PSKH2: variants seen among roughly 807,000 people sequenced by gnomAD.
PSKH2 encodes the protein protein serine kinase H2, also known as serine/threonine-protein kinase H2.
PSKH2 carries 16 observed loss-of-function variants against 22.5 expected under a neutral mutation model. The ratio of observed to expected loss-of-function variants is 0.71; its 90% CI spans 0.48 to 1.08. The LOEUF is 1.08. Among genes scored for constraint, PSKH2 ranks in the 50% least tolerant of loss-of-function variants. The pLI is 0.00. For synonymous variants in PSKH2, 188 were observed against 184.8 expected, an observed-to-expected ratio of 1.02 and a Z score of -0.14; for missense variants, 516 against 492.8, an observed-to-expected ratio of 1.05 and a Z score of -0.44.
chr8:86,062,981 C>T (rs1175787662), intron 2 of PSKH2, among the ~76,000 whole-genome samples: 1 of 152,152 alleles, frequency 6.6e-6, no homozygotes, highest in Non-Finnish European at 1.5e-5. Flanking sequence ...TTTCTTTGGT[C>T]ATTAGTGAGG....
At chr8:86,056,389 G>T (rs1817698527) in intron 2 of PSKH2, among the ~76,000 whole-genome samples, 1 of 151,882 alleles carries the variant, frequency 6.6e-6, no homozygotes, top group Non-Finnish European at 1.5e-5. Context: ...TCAATGCATT[G>T]CTCACCAAAA....
chr8:86,060,354 T>A (rs1817758804), intron 2 of PSKH2, among the ~76,000 whole-genome samples: 1 of 152,212 alleles, frequency 6.6e-6, no homozygotes, highest in African/African-American at 2.4e-5. Context: ...TCAAATTATA[T>A]TCGGAAGAAG....
chr8:86,065,560 C>A (rs1817843663), intron 1 of PSKH2, among the ~76,000 whole-genome samples: 1 of 152,126 alleles, frequency 6.6e-6, no homozygotes, highest in Non-Finnish European at 1.5e-5. Context: ...ACCTGCACAT[C>A]CTGCACATGT....
chr8:86,059,780 T>A (rs1399909392), intron 2 of PSKH2, among the ~76,000 whole-genome samples: 1 of 152,204 alleles, frequency 6.6e-6, no homozygotes, highest in Non-Finnish European at 1.5e-5. Context: ...GTCTACCACA[T>A]CTATGCTTCC....
chr8:86,048,706 G>T lies in PSKH2; in HGVS notation c.914C>A (p.Ala305Asp), dbSNP rs1400757364. 1.2e-6 allele frequency: 2 copies of T among 1,614,086 alleles called. No homozygotes were observed. The highest frequency in any genetic ancestry group is 2.7e-5 in the African/African-American group (2 of 75,026). The change falls in exon 3 of 3, where the codon GCT becomes GAT. Residue 305 changes from alanine (A) to aspartate (D), a missense_variant. By Grantham distance (126) the Ala-to-Asp change is moderately radical. Transcript: ENST00000276616. ...DFIDKLLILEAGHRMSAGQAL... is the reference protein window; with the variant it reads ...DFIDKLLILEDGHRMSAGQAL... ...CTGGCCAGCTGACATGCGATGACCA[G>T]CCTCCAAAATCAGTAGTTTGTCTAT...
At chr8:86,055,166 A>G (rs1004024407) in intron 2 of PSKH2, among the ~76,000 whole-genome samples, 1 of 152,208 alleles carries the variant, frequency 6.6e-6, no homozygotes, top group Admixed American at 6.5e-5. Context: ...CATAGTATTA[A>G]TATTAAGTCA....
At chr8:86,049,339 G>A (rs1027737106) in intron 2 of PSKH2, among the ~76,000 whole-genome samples, 4 of 152,018 alleles carry the variant, frequency 2.6e-5, no homozygotes, top group South Asian at 2.1e-4. Flanking sequence ...AAGAAGGATC[G>A]TTTGAGTCCA....
rs368039745 is a variant in PSKH2, at chr8:86,064,290, G to A, written c.527C>T (p.Ala176Val). ...MVADGIRYLH[A>V]LQITHRNLKP... ...TAGATTCCTATGAGTTATCTGCAGC[G>A]CATGCAAATACCTAATCCCATCAGC... The change falls in exon 2 of 3, where the codon GCG (alanine) becomes GTG (valine). Residue 176 changes from alanine (A) to valine (V), a missense_variant. Coordinates refer to ENST00000276616, the MANE Select transcript of PSKH2 (RefSeq NM_033126.3). The A allele has an allele frequency of 3.7e-5, 60 of 1,613,858 alleles. No homozygotes were observed. Among genetic ancestry groups the A allele is most frequent in the South Asian group, 2.3e-4 (21 of 91,068 alleles).
In PSKH2 at chr8:86,064,063, T is replaced by C. The variant is rs536623543; in HGVS notation, c.754A>G (p.Thr252Ala). The C allele has an allele frequency of 1.2e-6, 2 of 1,614,192 alleles. No individual in the cohort carries two copies. The highest frequency in any genetic ancestry group is 8.5e-7 in the Non-Finnish European group (1 of 1,180,020). Reference protein sequence around the residue: ...AVDMWALGVITYALLSGFLPF... With the variant: ...AVDMWALGVIAYALLSGFLPF... ...AGGAATCCGCTAAGTAAAGCATATGTGATCACACCAAGAGCCCACATGTCC... is the reference window on the plus strand; with the variant it reads ...AGGAATCCGCTAAGTAAAGCATATGCGATCACACCAAGAGCCCACATGTCC... The change falls in exon 2 of 3, where the codon ACA becomes GCA. Residue 252 changes from threonine to alanine, a missense_variant. Transcript: ENST00000276616.
At chr8:86,051,853 T>A (rs1322351100) in intron 2 of PSKH2, among the ~76,000 whole-genome samples, 1 of 152,220 alleles carries the variant, frequency 6.6e-6, no homozygotes, top group African/African-American at 2.4e-5. Flanking sequence ...AAAAAGTTCT[T>A]CAGCCAAAGC....
chr8:86,065,434 C>A (rs533753129), intron 1 of PSKH2, among the ~76,000 whole-genome samples: 2 of 152,264 alleles, frequency 1.3e-5, no homozygotes, highest in South Asian at 2.1e-4. Context: ...CATCCCCATA[C>A]CCACACTTGG....
chr8:86,069,303 G>C, intron 1 of PSKH2, 135 bp downstream of exon 1: 1 of 718,996 alleles, frequency 1.4e-6, no homozygotes, highest in Non-Finnish European at 2.2e-6. Flanking sequence ...CAGAGAAAGG[G>C]GGAGATCAGT....
rs201830947 is a variant in PSKH2, at chr8:86,064,318, C to T, written c.499G>A (p.Val167Ile). The change falls in exon 2 of 3, where the codon GTT becomes ATT. Residue 167 changes from valine (V) to isoleucine (I), a missense_variant. By Grantham distance (29) the Val-to-Ile change is conservative. Coordinates refer to ENST00000276616, the MANE Select transcript of PSKH2 (RefSeq NM_033126.3). ...ERDAVRILQMVADGIRYLHAL... is the reference protein window; with the variant it reads ...ERDAVRILQMIADGIRYLHAL... ...TGCAAATACCTAATCCCATCAGCAA[C>T]CATCTGGAGGATCCTGACGGCATCC... is the stretch of plus-strand genomic sequence containing the variant. The T allele has an allele frequency of 6.2e-6, 10 of 1,614,136 alleles. No individual in the cohort carries two copies. The East Asian group carries it at 8.9e-5, about 14-fold the overall frequency.
rs180874393 is a variant in PSKH2, at chr8:86,060,938, C to T, written c.852+3027G>A. On this transcript the variant is annotated intron_variant, in intron 2 of 2. Transcript: ENST00000276616. Reference sequence around the variant, plus strand: ...CTCTTTCCTGTATGCATGCACGCACCCTTCTTTTGAAGTGCTTTGCTTCTA... The same window carrying T: ...CTCTTTCCTGTATGCATGCACGCACTCTTCTTTTGAAGTGCTTTGCTTCTA... Among the ~76,000 whole-genome samples, 24 of 152,222 alleles carry T rather than the reference C, an allele frequency of 1.6e-4. No homozygotes were observed. In the East Asian group the frequency reaches 3.1e-3, roughly 20 times the overall value.
At chr8:86,069,096 T>C (rs1200176960) in intron 1 of PSKH2, among the ~76,000 whole-genome samples, 2 of 151,918 alleles carry the variant, frequency 1.3e-5, no homozygotes, top group African/African-American at 4.8e-5. Context: ...TGGAAAAGAA[T>C]GGGAGAAGCT....
intron 2 of PSKH2, among the ~76,000 whole-genome samples, chr8:86,060,547 AT>A (rs1456757047): frequency 1.3e-5 from 2 of 152,144 alleles, no homozygotes; most frequent in Non-Finnish European, 2.9e-5. Context: ...TGGACTGAAT[AT>A]TTTATTCTCT....
chr8:86,067,392 A>T lies in PSKH2; in HGVS notation c.185+2046T>A, dbSNP rs6984480. ...AGAGGAGTAGCAATAAACACTGAAC[A>T]AAAGAATCATTCACTGAATACATAT... is the stretch of plus-strand genomic sequence containing the variant. On this transcript the variant is annotated intron_variant, in intron 1 of 2. Transcript: ENST00000276616. Among the ~76,000 whole-genome samples, 135 of 151,532 alleles carry T rather than the reference A, an allele frequency of 8.9e-4. 6 individuals carry two copies. Among genetic ancestry groups the T allele is most frequent in the African/African-American group, 3.2e-3 (133 of 41,508 alleles).
At chr8:86,062,687 C>A (rs905467376) in intron 2 of PSKH2, among the ~76,000 whole-genome samples, 21 of 152,166 alleles carry the variant, frequency 1.4e-4, no homozygotes, top group Non-Finnish European at 2.2e-4. Context: ...CCTGAGGCCT[C>A]CCCAGCCATG....
At position 86,064,644 on chromosome 8, in the gene PSKH2, A is replaced by G. The variant is rs1414506974; in HGVS notation, c.186-13T>C. On this transcript the variant is annotated splice_polypyrimidine_tract_variant and intron_variant, in intron 1 of 2. Coordinates refer to ENST00000276616, the MANE Select transcript of PSKH2 (RefSeq NM_033126.3). Reference sequence around the variant, plus strand: ...TTTGATGTCATATCTGTTGGGAAGAAAAACCAAACATGTTATCCCCAGAAG... The same window carrying G: ...TTTGATGTCATATCTGTTGGGAAGAGAAACCAAACATGTTATCCCCAGAAG... The G allele has an allele frequency of 1.3e-6, 2 of 1,596,000 alleles. No homozygotes were observed. Among genetic ancestry groups the G allele is most frequent in the Non-Finnish European group, 1.7e-6 (2 of 1,171,562 alleles).
Sources: gnomAD v4.1 joint callset for allele counts (sites outside exome capture counted in the v4.1 genomes callset) on GRCh38, gnomAD v4.1.1 for gene constraint, MANE v1.5 for transcripts, NCBI Gene and HGNC (gene_info 2026-07-23, HGNC 2026-07-21) for gene names.